The following SRA1 variants were observed in gnomAD, a reference collection of about 807,000 sequenced individuals.
SRA1 encodes lncRNA SRA.
Under a neutral mutation model 24.3 loss-of-function variants are expected in SRA1, and 25 were observed. That is an observed-to-expected ratio of 1.03 (90% CI 0.75 to 1.43). The LOEUF is 1.43. SRA1 is among the 40% of genes most tolerant of loss of function. The probability of loss-of-function intolerance (pLI) is 0.00; values close to 1 mark genes in which losing one functional copy is unlikely to be tolerated. For missense variants in SRA1, 303 were observed against 286.6 expected (o/e 1.06, Z -0.41); for synonymous variants, 104 against 109.5 (o/e 0.95, Z 0.31).
intron 2 of SRA1, 35 bp downstream of exon 2, chr5:140,557,112 C>A: frequency 1.0e-5 from 12 of 1,164,204 alleles, no homozygotes; most frequent in African/African-American, 1.6e-5. Context: ...CCCCCCCATT[C>A]TCCGTCTGTC....
chr5:140,557,832 A>C, upstream of SRA1: 1 of 331,384 alleles, frequency 3.0e-6, no homozygotes, highest in Non-Finnish European at 5.6e-6. Flanking sequence ...CTCCACATTC[A>C]CGTCCGGTAG....
Position 140,551,115 on chromosome 5 carries a change from C to A in SRA1, c.409G>T (p.Ala137Ser), listed in dbSNP as rs1279173278. ...ACAGGTATTGACAACTTTCCTCCAGCCCACTGTTCCTGCAGCAGTGCCAGG... is the reference window on the plus strand; with the variant it reads ...ACAGGTATTGACAACTTTCCTCCAGACCACTGTTCCTGCAGCAGTGCCAGG... The part of the protein sequence containing the change: ...RRLALLQEQW[A>S]GGKLSIPVKK... Residue 137 changes from alanine (A) to serine (S), a missense_variant, in exon 4 of 5, where the codon GCT becomes TCT. Coordinates refer to ENST00000336283, the MANE Select transcript of SRA1 (RefSeq NM_001035235.4). The A allele has an allele frequency of 6.2e-7, 1 of 1,614,204 alleles. No homozygotes were observed. The highest frequency in any genetic ancestry group is 1.1e-5 in the South Asian group (1 of 91,080).
chr5:140,557,321 C>T, intron 1 of SRA1, 49 bp from the exon 2 acceptor site: 4 of 1,606,156 alleles, frequency 2.5e-6, no homozygotes, highest in Non-Finnish European at 3.4e-6. Flanking sequence ...CCACTGTTAG[C>T]TTATACTGGG....
Position 140,557,434 on chromosome 5 carries a change from T to TCACGTACAGCTCCGCCATCTC in SRA1, c.-3_18dup (p.Val6_Lys7insGluMetAlaGluLeuTyrVal). 1 of 1,568,996 alleles carries TCACGTACAGCTCCGCCATCTC rather than the reference T, an allele frequency of 6.4e-7. No homozygotes were observed. Among genetic ancestry groups the TCACGTACAGCTCCGCCATCTC allele is most frequent in the South Asian group, 1.1e-5 (1 of 87,434 alleles). On this transcript the variant is annotated inframe_insertion, in exon 1 of 5. Coordinates refer to ENST00000336283, the MANE Select transcript of SRA1 (RefSeq NM_001035235.4). Reference sequence around the variant, plus strand: ...GCCCGCCGGCTGCGCTCACCCGGCTTCACGTACAGCTCCGCCATCTCCACT... The same window carrying TCACGTACAGCTCCGCCATCTC: ...GCCCGCCGGCTGCGCTCACCCGGCTTCACGTACAGCTCCGCCATCTCCACGTACAGCTCCGCCATCTCCACT...
At position 140,557,431 on chromosome 5, in the gene SRA1, G is replaced by A. The variant is rs774711208; in HGVS notation, c.22C>T (p.Pro8Ser). 1.3e-5 allele frequency: 20 copies of A among 1,570,666 alleles called. No individual in the cohort carries two copies. The highest frequency in any genetic ancestry group is 2.4e-5 in the East Asian group (1 of 42,162). Residue 8 changes from proline to serine, a missense_variant, in exon 1 of 5, where the codon CCG becomes TCG. Pro to Ser is a moderately conservative substitution (Grantham distance 74). Coordinates refer to ENST00000336283, the MANE Select transcript of SRA1 (RefSeq NM_001035235.4). The stretch of plus-strand genomic sequence containing the variant: ...CTAGCCCGCCGGCTGCGCTCACCCG[G>A]CTTCACGTACAGCTCCGCCATCTCC... MAELYVK[P>S]GNKERGWNDP...
In SRA1 at chr5:140,557,185, G is replaced by A; in HGVS notation, c.113C>T (p.Thr38Ile). Residue 38 changes from threonine to isoleucine, a missense_variant, in exon 2 of 5, where the codon ACC becomes ATC. Physicochemically the swap from Thr to Ile is moderately conservative, Grantham distance 89 (BLOSUM62 -1). Transcript: ENST00000336283. ...ATCCTGGGGTGCGGCGACCCTCTTG[G>A]TAAGCAGCGAGCGCCTGGGTCCGCC... ...QAGGPRRSLL[T>I]KRVAAPQDGS... 2 of 1,613,100 alleles carry A rather than the reference G, an allele frequency of 1.2e-6. No homozygotes were observed. Among genetic ancestry groups the A allele is most frequent in the Non-Finnish European group, 1.7e-6 (2 of 1,179,884 alleles).
In SRA1 at chr5:140,550,625, G is replaced by T; in HGVS notation, c.*75C>A. The stretch of plus-strand genomic sequence containing the variant: ...GCCCAGTGGGACAGTCTTGGTGGTG[G>T]TAAGAAGGGAGCCAAGTGACAGAAG... On this transcript the variant is annotated 3_prime_UTR_variant, in exon 5 of 5. Transcript: ENST00000336283. 3 of 1,454,108 alleles carry T rather than the reference G, an allele frequency of 2.1e-6. No homozygotes were observed. Among genetic ancestry groups the T allele is most frequent in the Non-Finnish European group, 2.9e-6 (3 of 1,037,454 alleles). The allele number at this position is 1,454,108 out of a possible 1,614,324, so 90.1% of individuals were successfully genotyped here. A position where few individuals can be genotyped will look rare whatever the true frequency, so the allele number is the denominator to read the frequency against.
Position 140,551,058 on chromosome 5 carries a change from T to C in SRA1, c.463+3A>G. The C allele has an allele frequency of 6.2e-7, 1 of 1,612,116 alleles. No homozygotes were observed. Among genetic ancestry groups the C allele is most frequent in the Non-Finnish European group, 8.5e-7 (1 of 1,178,174 alleles). ...TAGGCTATACCAAAGAACCCACCCA[T>C]ACCTTGCACCAGTAGAGCCATTCTC... On this transcript the variant is annotated splice_donor_region_variant and intron_variant, in intron 4 of 4. Coordinates refer to ENST00000336283, the MANE Select transcript of SRA1 (RefSeq NM_001035235.4).
In SRA1 at chr5:140,552,119, G is replaced by A. The variant is rs765833173; in HGVS notation, c.217C>T (p.Pro73Ser). Residue 73 changes from proline to serine, a missense_variant, in exon 3 of 5, where the codon CCC becomes TCC. By Grantham distance (74) the Pro-to-Ser change is moderately conservative (BLOSUM62 -1). Coordinates refer to ENST00000336283, the MANE Select transcript of SRA1 (RefSeq NM_001035235.4). Reference protein sequence around the residue: ...MGPPPPSSKAPRSPPVGSGPA... With the variant: ...MGPPPPSSKASRSPPVGSGPA... ...CCACTCCCCACAGGTGGGGACCTGGGAGCCTTACTTGAAGGAGGTGGAGGC... is the reference window on the plus strand; with the variant it reads ...CCACTCCCCACAGGTGGGGACCTGGAAGCCTTACTTGAAGGAGGTGGAGGC... 6.2e-7 allele frequency: 1 copy of A among 1,612,944 alleles called. No homozygotes were observed. The highest frequency in any genetic ancestry group is 1.3e-5 in the African/African-American group (1 of 74,930).
At chr5:140,551,323 C>A in intron 3 of SRA1, 154 bp from the exon 4 acceptor site, 1 of 591,114 alleles carries the variant, frequency 1.7e-6, no homozygotes, top group East Asian at 2.8e-5. Flanking sequence ...CACTGAGAAA[C>A]TGATGAAACC....
Position 140,550,882 on chromosome 5 carries a change from C to A in SRA1, c.493G>T (p.Asp165Tyr), listed in dbSNP as rs1754534701. Residue 165 changes from aspartate (D) to tyrosine (Y), a missense_variant, in exon 5 of 5, where the codon GAT becomes TAT. By Grantham distance (160) the Asp-to-Tyr change is radical (BLOSUM62 -3). Transcript: ENST00000336283. The part of the protein sequence containing the change: ...ELSSHRWDAA[D>Y]DIHRSLMVDH... ...ACCATGAGGGAGCGGTGGATGTCAT[C>A]TGCTGCGTCCCACCGGTGGCTTGAA... 6.2e-7 allele frequency: 1 copy of A among 1,614,046 alleles called. No individual in the cohort carries two copies. Among genetic ancestry groups the A allele is most frequent in the Non-Finnish European group, 8.5e-7 (1 of 1,180,034 alleles).
chr5:140,555,737 CA>C lies in SRA1; in HGVS notation c.151+1409del, dbSNP rs539689459. ...ACAGCCTAAACTTCACATGGCCCCC[CA>C]AAAAAACTCCCCCTCCCCAAAACCA... On this transcript the variant is annotated intron_variant, in intron 2 of 4. Transcript: ENST00000336283. Among the ~76,000 whole-genome samples, 342 of 151,672 alleles carry C rather than the reference CA, an allele frequency of 2.3e-3. 1 individual carries two copies. Among genetic ancestry groups the C allele is most frequent in the Middle Eastern group, 3.4e-3 (1 of 294 alleles).
At chr5:140,553,466 A>G (rs1754616353) in intron 2 of SRA1, among the ~76,000 whole-genome samples, 1 of 152,216 alleles carries the variant, frequency 6.6e-6, no homozygotes, top group African/African-American at 2.4e-5. Context: ...CCCAAGAAGC[A>G]GGAAAACTTT....
intron 3 of SRA1, chr5:140,551,438 C>T (rs1480118593): frequency 1.5e-5 from 6 of 391,950 alleles, no homozygotes; most frequent in Non-Finnish European, 2.8e-5. Flanking sequence ...TCTTCCTAAC[C>T]CACCTCCTAC....
chr5:140,557,707 A>AG, upstream of SRA1: 1 of 569,230 alleles, frequency 1.8e-6, no homozygotes, highest in South Asian at 2.2e-5. Flanking sequence ...GTGCTCTAGG[A>AG]GGCCTCATCC....
chr5:140,556,812 T>C (rs1165681646), intron 2 of SRA1, among the ~76,000 whole-genome samples: 4 of 152,082 alleles, frequency 2.6e-5, no homozygotes, highest in African/African-American at 9.7e-5. Flanking sequence ...GAAGACAGAA[T>C]GGACAAATGA....
upstream of SRA1, chr5:140,557,495 G>A: frequency 1.3e-6 from 2 of 1,543,394 alleles, no homozygotes; most frequent in East Asian, 2.4e-5. Flanking sequence ...TCATTTCCGG[G>A]GCGGCCCCTC....
chr5:140,552,805 A>G (rs1005806411), intron 2 of SRA1, among the ~76,000 whole-genome samples: 1 of 152,226 alleles, frequency 6.6e-6, no homozygotes, highest in Non-Finnish European at 1.5e-5. Flanking sequence ...CCTCATCTCT[A>G]TAAAAAAATT....
intron 2 of SRA1, 42 bp downstream of exon 2, chr5:140,557,105 C>A (rs763853693): frequency 9.0e-6 from 11 of 1,219,546 alleles, no homozygotes; most frequent in African/African-American, 2.9e-5. Context: ...ACCCCCCCCC[C>A]CCCATTCTCC....
Sources: allele counts gnomAD v4.1 joint callset (sites outside exome capture counted in the v4.1 genomes callset), GRCh38; gene constraint gnomAD v4.1.1; transcripts MANE v1.5; gene names NCBI Gene and HGNC (gene_info 2026-07-23, HGNC 2026-07-21).